FARS2: variants seen among roughly 807,000 people sequenced by gnomAD.
FARS2 encodes phenylalanyl-tRNA synthetase 2, mitochondrial.
In FARS2, 40 loss-of-function variants were observed where a neutral mutation model predicts 46.4. The observed-to-expected ratio is 0.86, with a 90% CI of 0.67 to 1.12. The LOEUF is 1.12. Among genes scored for constraint, FARS2 ranks in the 50% most tolerant of loss-of-function variants. The probability of loss-of-function intolerance (pLI) is 0.00; values close to 1 mark genes in which losing one functional copy is unlikely to be tolerated. For synonymous variants in FARS2, 234 were observed against 214.9 expected, an observed-to-expected ratio of 1.09 and a Z score of -0.78; for missense variants, 513 against 567.9, an observed-to-expected ratio of 0.90 and a Z score of 0.98.
intron 4 of FARS2, among the ~76,000 whole-genome samples, chr6:5,498,536 C>T (rs545841814): frequency 6.6e-6 from 1 of 152,102 alleles, no homozygotes; most frequent in East Asian, 1.9e-4. Context: ...CTAACACCAG[C>T]GGAGTGACTG....
intron 1 of FARS2, among the ~76,000 whole-genome samples, chr6:5,326,291 G>C (rs1422211930): frequency 6.6e-6 from 1 of 152,194 alleles, no homozygotes; most frequent in African/African-American, 2.4e-5. Flanking sequence ...CAAGGTACCT[G>C]GCTAGTGACT....
rs188169185 is a variant in FARS2 at position 5,740,551 on chromosome 6, G to A, written c.1218-30740G>A. On this transcript the variant is annotated intron_variant, in intron 6 of 6. Transcript: ENST00000274680. ...TCCATCAGCTTGGCTTCAGCACTGC[G>A]GATATTTACAAACCTCCCTCCCAGG... 9.9e-5 allele frequency among the ~76,000 whole-genome samples: 15 copies of A among 151,798 alleles called. No individual in the cohort carries two copies. The South Asian group carries it at 2.9e-3, about 30-fold the overall frequency.
intron 4 of FARS2, among the ~76,000 whole-genome samples, chr6:5,513,106 C>T (rs962962422): frequency 3.3e-5 from 5 of 152,002 alleles, no homozygotes; most frequent in African/African-American, 1.2e-4. Context: ...AGAGGGTGGA[C>T]ACTATGAGGT....
chr6:5,473,683 A>G (rs1174782171), intron 4 of FARS2, among the ~76,000 whole-genome samples: 1 of 152,034 alleles, frequency 6.6e-6, no homozygotes, highest in Non-Finnish European at 1.5e-5. Context: ...GTTCTTGTTT[A>G]GGGTGAATTT....
chr6:5,722,230 G>A (rs61512932), intron 6 of FARS2, among the ~76,000 whole-genome samples: 19 of 152,234 alleles, frequency 1.2e-4, no homozygotes, highest in Non-Finnish European at 2.6e-4. Context: ...GCAATACAGC[G>A]AAAAGGGCAA....
chr6:5,598,786 G>A (rs1774347169), intron 5 of FARS2, among the ~76,000 whole-genome samples: 1 of 152,146 alleles, frequency 6.6e-6, no homozygotes, highest in Admixed American at 6.5e-5. Flanking sequence ...GTAGGGTGAG[G>A]AAGAAAGGAG....
intron 4 of FARS2, among the ~76,000 whole-genome samples, chr6:5,500,414 T>G (rs1767721985): frequency 6.6e-6 from 1 of 152,176 alleles, no homozygotes. Context: ...AAATAAGACT[T>G]GAGGAGGAAG....
intron 6 of FARS2, among the ~76,000 whole-genome samples, chr6:5,629,756 TGA>T (rs1285170391): frequency 1.4e-4 from 22 of 151,836 alleles, no homozygotes; most frequent in Admixed American, 1.4e-3. Flanking sequence ...TGACAGGAGA[TGA>T]GAGTCTGGGC....
chr6:5,703,261 G>T (rs1758549464), intron 6 of FARS2, among the ~76,000 whole-genome samples: 1 of 152,134 alleles, frequency 6.6e-6, no homozygotes, highest in Non-Finnish European at 1.5e-5. Context: ...CTGGAACCAA[G>T]CACAATCCAC....
At chr6:5,635,449 G>A (rs1776498047) in intron 6 of FARS2, among the ~76,000 whole-genome samples, 1 of 152,190 alleles carries the variant, frequency 6.6e-6, no homozygotes, top group Non-Finnish European at 1.5e-5. Context: ...GGTTGAAGAT[G>A]TCACAAGCTG....
intron 6 of FARS2, among the ~76,000 whole-genome samples, chr6:5,716,501 G>A (rs771934382): frequency 2.6e-5 from 4 of 152,120 alleles, no homozygotes; most frequent in Non-Finnish European, 4.4e-5. Flanking sequence ...AGATGTACAG[G>A]GATTTCTCCC....
chr6:5,579,172 C>T (rs1298284972), intron 5 of FARS2, among the ~76,000 whole-genome samples: 4 of 152,174 alleles, frequency 2.6e-5, no homozygotes, highest in Non-Finnish European at 5.9e-5. Context: ...CTGGAAGTTG[C>T]TATATGTACT....
At chr6:5,465,454 T>G (rs1765460595) in intron 4 of FARS2, among the ~76,000 whole-genome samples, 1 of 152,384 alleles carries the variant, frequency 6.6e-6, no homozygotes, top group Non-Finnish European at 1.5e-5. Flanking sequence ...TATAATTTAC[T>G]TGCTATTTTG....
At chr6:5,420,046 G>A (rs563254567) in intron 3 of FARS2, among the ~76,000 whole-genome samples, 9 of 152,300 alleles carry the variant, frequency 5.9e-5, no homozygotes, top group Admixed American at 2.6e-4. Flanking sequence ...CCTTACAATC[G>A]TGGCAGAAGG....
rs141190575 is a variant in FARS2 at position 5,467,381 on chromosome 6, C to G, written c.904+36209C>G. Among the ~76,000 whole-genome samples, 51 of 152,084 alleles carry G rather than the reference C, an allele frequency of 3.4e-4. No homozygotes were observed. In the East Asian group the frequency reaches 7.3e-3, roughly 22 times the overall value. On this transcript the variant is annotated intron_variant, in intron 4 of 6. Coordinates refer to ENST00000274680, the MANE Select transcript of FARS2 (RefSeq NM_006567.5). ...TTCTAAGGAGGTTCATGATCATTGCCCAAGTAATTTCTCATTGTAATATCT... is the reference window on the plus strand; with the variant it reads ...TTCTAAGGAGGTTCATGATCATTGCGCAAGTAATTTCTCATTGTAATATCT...
At chr6:5,324,161 T>G (rs1295980701) in intron 1 of FARS2, among the ~76,000 whole-genome samples, 3 of 152,188 alleles carry the variant, frequency 2.0e-5, no homozygotes, top group Non-Finnish European at 4.4e-5. Flanking sequence ...AGTAAACCGG[T>G]CTTTAACTGT....
chr6:5,317,654 C>T (rs759672182), intron 1 of FARS2, among the ~76,000 whole-genome samples: 1 of 151,880 alleles, frequency 6.6e-6, no homozygotes, highest in Non-Finnish European at 1.5e-5. Flanking sequence ...GTGATGCGGG[C>T]CTGAAGTTGC....
intron 6 of FARS2, among the ~76,000 whole-genome samples, chr6:5,730,019 C>G (rs968118498): frequency 2.0e-5 from 3 of 152,196 alleles, no homozygotes; most frequent in African/African-American, 4.8e-5. Context: ...GCAGTGCCCT[C>G]TAGGGAGCAA....
intron 1 of FARS2, among the ~76,000 whole-genome samples, chr6:5,315,126 C>T (rs988523146): frequency 1.3e-5 from 2 of 152,116 alleles, no homozygotes; most frequent in Non-Finnish European, 2.9e-5. Flanking sequence ...CTTTAAGTGA[C>T]TTGGATTTTA....
Sources: gnomAD v4.1 joint callset for allele counts (sites outside exome capture counted in the v4.1 genomes callset) on GRCh38, gnomAD v4.1.1 for gene constraint, MANE v1.5 for transcripts, NCBI Gene and HGNC (gene_info 2026-07-23, HGNC 2026-07-21) for gene names.